Variants in OSBPL10 observed in about 807,000 individuals in gnomAD.
OSBPL10 encodes oxysterol binding protein like 10.
In OSBPL10, 49 loss-of-function variants were observed where a neutral mutation model predicts 81.7. The observed-to-expected ratio is 0.60, with a 90% CI of 0.48 to 0.76. The LOEUF (loss-of-function observed/expected upper bound fraction) is 0.76, where lower values mean the gene tolerates loss of function less well. Ranked by LOEUF, OSBPL10 falls within the 30% of genes least tolerant of loss-of-function variation. OSBPL10 has a pLI of 0.00. For synonymous variants in OSBPL10, 419 were observed against 383.6 expected (o/e 1.09, Z -1.08); for missense variants, 923 against 987.8 (o/e 0.93, Z 0.88).
intron 4 of OSBPL10, among the ~76,000 whole-genome samples, chr3:31,798,923 G>A (rs6789886): frequency 0.015 from 2,279 of 152,202 alleles, 68 homozygotes; most frequent in African/African-American, 0.052. Flanking sequence ...CCTCCCAGGC[G>A]CAGTTCATAA....
chr3:31,808,882 A>G (rs1351711408), intron 4 of OSBPL10, among the ~76,000 whole-genome samples: 3 of 152,250 alleles, frequency 2.0e-5, no homozygotes, highest in Non-Finnish European at 4.4e-5. Flanking sequence ...AATCTTGCCC[A>G]GAATATCATA....
intron 2 of OSBPL10, among the ~76,000 whole-genome samples, chr3:32,012,437 A>G (rs1168679159): frequency 6.6e-6 from 1 of 152,244 alleles, no homozygotes; most frequent in East Asian, 1.9e-4. Context: ...GAGCTCCTGA[A>G]GGAAGCACTA....
At chr3:31,898,163 TAC>T (rs1277732734) in intron 1 of OSBPL10, among the ~76,000 whole-genome samples, 1 of 152,058 alleles carries the variant, frequency 6.6e-6, no homozygotes, top group Non-Finnish European at 1.5e-5. Flanking sequence ...GGTCAACAGA[TAC>T]AAAGTTTTAG....
chr3:31,703,445 A>G (rs536508819), intron 6 of OSBPL10, among the ~76,000 whole-genome samples: 1 of 152,358 alleles, frequency 6.6e-6, no homozygotes, highest in African/African-American at 2.4e-5. Flanking sequence ...AGAAATTCAG[A>G]AGCTCAAAGA....
At chr3:31,994,067 T>G (rs1037945222) in intron 2 of OSBPL10, among the ~76,000 whole-genome samples, 10 of 152,212 alleles carry the variant, frequency 6.6e-5, no homozygotes, top group African/African-American at 2.2e-4. Context: ...TAAACTATTG[T>G]TACATGCAAT....
intron 2 of OSBPL10, among the ~76,000 whole-genome samples, chr3:32,003,095 A>G (rs940165960): frequency 2.6e-5 from 4 of 152,226 alleles, no homozygotes; most frequent in African/African-American, 9.6e-5. Context: ...ACTTGGGCAG[A>G]GGCACCAGAG....
At chr3:31,783,133 A>ATATATATATATATATATATAT in intron 4 of OSBPL10, among the ~76,000 whole-genome samples, 1 of 138,336 alleles carries the variant, frequency 7.2e-6, no homozygotes, top group Non-Finnish European at 1.5e-5. Flanking sequence ...ATATATATAT[A>ATATATATATATATATATATAT]TATATATATA....
intron 1 of OSBPL10, among the ~76,000 whole-genome samples, chr3:31,884,381 G>A (rs147275186): frequency 1.1e-3 from 172 of 152,302 alleles, no homozygotes; most frequent in Non-Finnish European, 2.0e-3. Flanking sequence ...TTTATATTTG[G>A]AAGGGACTGA....
At chr3:31,764,332 A>G (rs1014922991) in intron 4 of OSBPL10, among the ~76,000 whole-genome samples, 1 of 152,154 alleles carries the variant, frequency 6.6e-6, no homozygotes, top group Non-Finnish European at 1.5e-5. Flanking sequence ...TCACTGCCAA[A>G]CTCTTTCTGG....
intron 2 of OSBPL10, among the ~76,000 whole-genome samples, chr3:32,012,480 GCA>G (rs879601064): frequency 6.6e-6 from 1 of 152,220 alleles, no homozygotes; most frequent in Non-Finnish European, 1.5e-5. Context: ...ATCAGCCACT[GCA>G]AAAACATGCC....
intron 1 of OSBPL10, among the ~76,000 whole-genome samples, chr3:32,070,881 C>T (rs1297438506): frequency 1.3e-5 from 2 of 152,156 alleles, no homozygotes; most frequent in Non-Finnish European, 2.9e-5. Context: ...CCTCTCTTTG[C>T]TTTTACCTGG....
intron 1 of OSBPL10, among the ~76,000 whole-genome samples, chr3:31,885,129 T>C (rs1193235299): frequency 6.6e-6 from 1 of 152,122 alleles, no homozygotes. Flanking sequence ...GATATATCCA[T>C]TGTTTCCAAA....
At chr3:31,893,837 C>A (rs979021362) in intron 1 of OSBPL10, among the ~76,000 whole-genome samples, 1 of 152,002 alleles carries the variant, frequency 6.6e-6, no homozygotes, top group African/African-American at 2.4e-5. Flanking sequence ...TTGTCTGGGG[C>A]TAAGGGTGGG....
intron 3 of OSBPL10, among the ~76,000 whole-genome samples, chr3:31,848,195 T>C (rs1343736672): frequency 6.6e-6 from 1 of 152,042 alleles, no homozygotes; most frequent in East Asian, 1.9e-4. Flanking sequence ...TAGGATTCTA[T>C]ATACTCCGGC....
intron 1 of OSBPL10, among the ~76,000 whole-genome samples, chr3:32,072,371 C>G (rs1699837678): frequency 6.6e-6 from 1 of 152,178 alleles, no homozygotes; most frequent in East Asian, 1.9e-4. Context: ...CAACTTCTGT[C>G]CCTCACGGCC....
rs901910315 is a variant in OSBPL10, at chr3:31,994,495, T to G, written n.298+51996A>C. Among the ~76,000 whole-genome samples the G allele has an allele frequency of 4.6e-4, 34 of 73,684 alleles. 1 individual carries two copies. The South Asian group carries it at 0.015, about 33-fold the overall frequency. The allele number at this position is 73,684 out of a possible 152,430, so 48.3% of individuals were successfully genotyped here. A position where few individuals can be genotyped will look rare whatever the true frequency, so the allele number is the denominator to read the frequency against. On this transcript the variant is annotated intron_variant and non_coding_transcript_variant, in intron 2 of 3. Transcript: ENST00000479173. ...TTCCCTATGTCAGGGAAAAAAAGGA[T>G]GGATGGATGGATGGATGGATGGATG... is the stretch of plus-strand genomic sequence containing the variant.
At chr3:32,072,034 C>A (rs181656278) in intron 1 of OSBPL10, among the ~76,000 whole-genome samples, 8 of 152,178 alleles carry the variant, frequency 5.3e-5, no homozygotes, top group Non-Finnish European at 8.8e-5. Context: ...ACTCTGCCCC[C>A]CTCTACTACC....
intron 1 of OSBPL10, among the ~76,000 whole-genome samples, chr3:32,053,988 G>T (rs1699688322): frequency 6.6e-6 from 1 of 152,018 alleles, no homozygotes; most frequent in Non-Finnish European, 1.5e-5. Context: ...AAGAAAGAAA[G>T]AAAGAAATTT....
At chr3:31,908,718 T>C (rs1002778512) in intron 1 of OSBPL10, among the ~76,000 whole-genome samples, 4 of 152,212 alleles carry the variant, frequency 2.6e-5, no homozygotes, top group African/African-American at 7.2e-5. Context: ...CTGGGTTGTG[T>C]CGGCCAATTC....
Sources: allele counts gnomAD v4.1 joint callset (sites outside exome capture counted in the v4.1 genomes callset), GRCh38; gene constraint gnomAD v4.1.1; transcripts MANE v1.5; gene names NCBI Gene and HGNC (gene_info 2026-07-23, HGNC 2026-07-21).